The following TAOK1 variants were observed in gnomAD, a reference collection of about 807,000 sequenced individuals.
The protein encoded by TAOK1 is TAO kinase 1.
A neutral mutation model predicts 138.3 loss-of-function variants in TAOK1; 21 were observed. The observed-to-expected ratio is 0.15, with a 90% CI of 0.11 to 0.22. The LOEUF (loss-of-function observed/expected upper bound fraction) is 0.22. Ranked by LOEUF, TAOK1 falls within the 10% of genes least tolerant of loss-of-function variation. TAOK1 has a pLI of 1.00. For missense variants in TAOK1, 651 were observed against 1,227.7 expected, an observed-to-expected ratio of 0.53 and a Z score of 7.02; for synonymous variants, 361 against 398.4, an observed-to-expected ratio of 0.91 and a Z score of 1.12.
intron 11 of TAOK1, among the ~76,000 whole-genome samples, chr17:29,497,178 T>G (rs1052650105): frequency 1.3e-5 from 2 of 152,220 alleles, no homozygotes; most frequent in Non-Finnish European, 2.9e-5. Flanking sequence ...ATTTTATTCT[T>G]TTCTATTGCT....
chr17:29,522,940 C>T (rs377313538), intron 17 of TAOK1, among the ~76,000 whole-genome samples: 1 of 151,846 alleles, frequency 6.6e-6, no homozygotes, highest in Non-Finnish European at 1.5e-5. Flanking sequence ...TTGGGTGTGG[C>T]GGCACATGCC....
chr17:29,473,378 G>A (rs1311850188), intron 3 of TAOK1, among the ~76,000 whole-genome samples: 1 of 152,148 alleles, frequency 6.6e-6, no homozygotes, highest in African/African-American at 2.4e-5. Flanking sequence ...GCTCACACCT[G>A]TAATCTCAGC....
In TAOK1 at chr17:29,546,850, G is replaced by A. The variant is rs932232054; in HGVS notation, c.*3828G>A. 1.3e-5 allele frequency: 2 copies of A among 152,122 alleles called. No individual in the cohort carries two copies. The highest frequency in any genetic ancestry group is 2.4e-5 in the African/African-American group (1 of 41,428). The allele number at this position is 152,122 out of a possible 1,614,324, so 9.4% of individuals were successfully genotyped here. A position where few individuals can be genotyped will look rare whatever the true frequency, so the allele number is the denominator to read the frequency against. On this transcript the variant is annotated 3_prime_UTR_variant, in exon 20 of 20. Transcript: ENST00000261716. Reference sequence around the variant, plus strand: ...CCTCAGTTAAGGCAAGAATGCATGTGTTTCTTAAGAATGAGTACTCTGCGT... The same window carrying A: ...CCTCAGTTAAGGCAAGAATGCATGTATTTCTTAAGAATGAGTACTCTGCGT...
chr17:29,466,771 T>C (rs1225218068), intron 2 of TAOK1, among the ~76,000 whole-genome samples: 1 of 149,970 alleles, frequency 6.7e-6, no homozygotes, highest in African/African-American at 2.4e-5. Context: ...TCAGTTTTAG[T>C]AATTTATTCT....
At position 29,519,016 on chromosome 17, in the gene TAOK1, C is replaced by T. The variant is rs555472181; in HGVS notation, c.1908+1360C>T. 2.7e-4 allele frequency among the ~76,000 whole-genome samples: 41 copies of T among 152,232 alleles called. 1 individual carries two copies. The South Asian group carries it at 7.9e-3, about 29-fold the overall frequency. On this transcript the variant is annotated intron_variant, in intron 16 of 19. Transcript: ENST00000261716. The stretch of plus-strand genomic sequence containing the variant: ...TCCCAACCTCAGGTGATCCACCCAC[C>T]TCGGCCTCCCAAAGTGCTGGGATTA...
chr17:29,539,782 A>T (rs2032284546), intron 19 of TAOK1, among the ~76,000 whole-genome samples: 1 of 152,010 alleles, frequency 6.6e-6, no homozygotes, highest in African/African-American at 2.4e-5. Flanking sequence ...CAGGAGGATA[A>T]GGTGGGAGGA....
chr17:29,496,579 CTTTTTTTT>C (rs748595265), intron 11 of TAOK1, among the ~76,000 whole-genome samples: 2 of 87,858 alleles, frequency 2.3e-5, no homozygotes. Context: ...CCATCTACAC[CTTTTTTTT>C]TTTTTTTTTT....
chr17:29,442,621 A>T (rs2029974995), intron 1 of TAOK1, among the ~76,000 whole-genome samples: 1 of 152,142 alleles, frequency 6.6e-6, no homozygotes, highest in Admixed American at 6.5e-5. Flanking sequence ...ATGTAAATGT[A>T]TTTCACCATT....
intron 1 of TAOK1, among the ~76,000 whole-genome samples, chr17:29,409,550 G>A (rs1366433492): frequency 6.6e-6 from 1 of 151,368 alleles, no homozygotes; most frequent in Non-Finnish European, 1.5e-5. Context: ...AGTCAGGATG[G>A]TCTCGATTTC....
chr17:29,549,930 C>T lies in TAOK1; in HGVS notation c.*6908C>T, dbSNP rs1309784163. 6.6e-6 allele frequency: 1 copy of T among 151,964 alleles called. No individual in the cohort carries two copies. Among genetic ancestry groups the T allele is most frequent in the Non-Finnish European group, 1.5e-5 (1 of 67,990 alleles). The allele number at this position is 151,964 out of a possible 1,614,324, so 9.4% of individuals were successfully genotyped here. ...ATTGTGCCTACTTAGGAGTGCCCCT[C>T]CAATTAATTACATGTGTCCAAGAAT... On this transcript the variant is annotated 3_prime_UTR_variant, in exon 20 of 20. Coordinates refer to ENST00000261716, the MANE Select transcript of TAOK1 (RefSeq NM_020791.4).
intron 18 of TAOK1, among the ~76,000 whole-genome samples, chr17:29,532,819 A>G (rs1366410444): frequency 2.0e-5 from 3 of 150,910 alleles, no homozygotes; most frequent in African/African-American, 4.9e-5. Flanking sequence ...ATTCCACAAA[A>G]CCGCCATTGT....
intron 1 of TAOK1, among the ~76,000 whole-genome samples, chr17:29,450,226 A>G (rs1350109658): frequency 2.0e-5 from 3 of 152,084 alleles, no homozygotes; most frequent in African/African-American, 7.2e-5. Context: ...AGCTAGGACT[A>G]TAGGAGCACA....
rs1335533339 is a variant in TAOK1 at position 29,546,287 on chromosome 17, GT to G, written c.*3266del. 1.3e-5 allele frequency: 2 copies of G among 152,020 alleles called. No individual in the cohort carries two copies. The highest frequency in any genetic ancestry group is 4.1e-4 in the South Asian group (2 of 4,822). 9.4% of individuals were successfully genotyped at this position (152,020 alleles called of 1,614,324 possible). ...TTGGTAAATGGAACATTTTAGCATAGTCATGATTTTTGGTTGCCTAGACATC... is the reference window on the plus strand; with the variant it reads ...TTGGTAAATGGAACATTTTAGCATAGCATGATTTTTGGTTGCCTAGACATC... On this transcript the variant is annotated 3_prime_UTR_variant, in exon 20 of 20. Coordinates refer to ENST00000261716, the MANE Select transcript of TAOK1 (RefSeq NM_020791.4).
intron 17 of TAOK1, among the ~76,000 whole-genome samples, chr17:29,524,235 T>C (rs2031967509): frequency 6.6e-6 from 1 of 152,082 alleles, no homozygotes; most frequent in African/African-American, 2.4e-5. Context: ...AGATACATAA[T>C]CATTTAGCTA....
chr17:29,480,855 GT>G (rs1423501209), intron 7 of TAOK1, among the ~76,000 whole-genome samples: 1 of 106,310 alleles, frequency 9.4e-6, no homozygotes, highest in African/African-American at 4.6e-5. Context: ...GGGCGACAGA[GT>G]GAGACCCTGT....
chr17:29,538,750 T>C (rs1321535581), intron 19 of TAOK1, among the ~76,000 whole-genome samples: 1 of 152,228 alleles, frequency 6.6e-6, no homozygotes, highest in African/African-American at 2.4e-5. Flanking sequence ...CACATGTACA[T>C]GAAGTCTTGT....
Position 29,542,899 on chromosome 17 carries a change from A to G in TAOK1, c.2883A>G (p.Gly961=). 1 of 1,613,926 alleles carries G rather than the reference A, an allele frequency of 6.2e-7. No individual in the cohort carries two copies. Among genetic ancestry groups the G allele is most frequent in the Non-Finnish European group, 8.5e-7 (1 of 1,179,962 alleles). ...MQGVPRGSSM[G]VRNSPQALRR... Reference sequence around the variant, plus strand: ...GGGTACCTCGAGGTAGCAGTATGGGAGTCCGCAATAGCCCCCAGGCTCTGA... The same window carrying G: ...GGGTACCTCGAGGTAGCAGTATGGGGGTCCGCAATAGCCCCCAGGCTCTGA... Residue 961 remains glycine, a synonymous_variant, in exon 20 of 20, where the codon GGA becomes GGG. Transcript: ENST00000261716.
At chr17:29,460,204 T>C (rs958235677) in intron 2 of TAOK1, among the ~76,000 whole-genome samples, 1 of 152,246 alleles carries the variant, frequency 6.6e-6, no homozygotes, top group Non-Finnish European at 1.5e-5. Context: ...GTAGTCTTTT[T>C]TTTCTGAGAC....
At chr17:29,526,819 TAAAA>T (rs71138830) in intron 17 of TAOK1, among the ~76,000 whole-genome samples, 5 of 50,942 alleles carry the variant, frequency 9.8e-5, no homozygotes, top group Admixed American at 8.6e-4. Flanking sequence ...TCTCATCTCT[TAAAA>T]AAAAAAAAAA....
Sources: allele counts gnomAD v4.1 joint callset (sites outside exome capture counted in the v4.1 genomes callset), GRCh38; gene constraint gnomAD v4.1.1; transcripts MANE v1.5; gene names NCBI Gene and HGNC (gene_info 2026-07-23, HGNC 2026-07-21).